Variants in GPC6 observed in about 807,000 individuals in gnomAD.
GPC6 encodes glypican 6, also known as glypican-6.
GPC6 carries 14 observed loss-of-function variants against 55.2 expected under a neutral mutation model. The ratio of observed to expected loss-of-function variants is 0.25; its 90% CI spans 0.17 to 0.40. GPC6 has a LOEUF of 0.40. Among genes scored for constraint, GPC6 ranks in the 10% least tolerant of loss-of-function variants. The pLI is 1.00. For missense variants in GPC6, 641 were observed against 708.5 expected (o/e 0.90, Z 1.08); for synonymous variants, 278 against 259.6 (o/e 1.07, Z -0.68).
At chr13:93,935,905 ATC>A in intron 3 of GPC6, among the ~76,000 whole-genome samples, 1 of 152,314 alleles carries the variant, frequency 6.6e-6, no homozygotes, top group South Asian at 2.1e-4. Flanking sequence ...ACTATGCAGA[ATC>A]TCTGTGCCCA....
intron 1 of GPC6, among the ~76,000 whole-genome samples, chr13:93,289,936 AT>A (rs2139078777): frequency 6.6e-6 from 1 of 152,310 alleles, no homozygotes; most frequent in South Asian, 2.1e-4. Context: ...TTTATGGCAC[AT>A]GGACTCACAG....
chr13:94,371,225 C>T (rs1419999041), intron 6 of GPC6, among the ~76,000 whole-genome samples: 1 of 152,108 alleles, frequency 6.6e-6, no homozygotes, highest in Non-Finnish European at 1.5e-5. Context: ...ATATCAATCT[C>T]TAGATTAAAT....
In GPC6 at chr13:93,608,363, A is replaced by G. The variant is rs895157290; in HGVS notation, c.319+62942A>G. Among the ~76,000 whole-genome samples the G allele has an allele frequency of 4.6e-5, 7 of 152,206 alleles. No homozygotes were observed. In the East Asian group the frequency reaches 1.3e-3, roughly 29 times the overall value. Reference sequence around the variant, plus strand: ...GGTTGTATTTCTTATTCTAAAGAGCATAAAATACAAAAGTAAATAATATGT... The same window carrying G: ...GGTTGTATTTCTTATTCTAAAGAGCGTAAAATACAAAAGTAAATAATATGT... On this transcript the variant is annotated intron_variant, in intron 2 of 8. Transcript: ENST00000377047.
chr13:94,085,321 C>CAAAAAAAAAAAAAAAAAA, intron 4 of GPC6, among the ~76,000 whole-genome samples: 1 of 87,044 alleles, frequency 1.1e-5, no homozygotes, highest in Non-Finnish European at 2.2e-5. Context: ...GATTCTGTCT[C>CAAAAAAAAAAAAAAAAAA]AAAAAAAAAA....
At chr13:93,839,925 T>C (rs974300524) in intron 3 of GPC6, among the ~76,000 whole-genome samples, 4 of 152,146 alleles carry the variant, frequency 2.6e-5, no homozygotes, top group Admixed American at 1.3e-4. Context: ...AGTCCGTAGT[T>C]TTCTTTTTGG....
chr13:94,078,145 A>G (rs1199350562), intron 4 of GPC6, among the ~76,000 whole-genome samples: 1 of 151,950 alleles, frequency 6.6e-6, no homozygotes, highest in Non-Finnish European at 1.5e-5. Flanking sequence ...TGGAAATTTA[A>G]TAATATATTT....
intron 1 of GPC6, among the ~76,000 whole-genome samples, chr13:93,524,483 C>T (rs1291452555): frequency 1.3e-5 from 2 of 152,022 alleles, no homozygotes; most frequent in Admixed American, 6.6e-5. Flanking sequence ...GTCCTTATGT[C>T]ATCCTCTCCC....
chr13:93,765,277 C>CTTTCCAGATAAGCTGTCTGGAAAGACAAA (rs1885085820), intron 2 of GPC6, among the ~76,000 whole-genome samples: 1 of 102,712 alleles, frequency 9.7e-6, no homozygotes, highest in South Asian at 2.5e-4. Flanking sequence ...GGAAAGACAA[C>CTTTCCAGATAAGCTGTCTGGAAAGACAAA]TTTCCAGATA....
intron 6 of GPC6, among the ~76,000 whole-genome samples, chr13:94,350,481 G>A (rs1020663783): frequency 6.6e-6 from 1 of 152,062 alleles, no homozygotes; most frequent in African/African-American, 2.4e-5. Flanking sequence ...CAGCATATAG[G>A]ACAATTTTAA....
intron 1 of GPC6, among the ~76,000 whole-genome samples, chr13:93,257,309 A>C (rs897842236): frequency 3.9e-5 from 6 of 152,094 alleles, no homozygotes; most frequent in African/African-American, 1.4e-4. Flanking sequence ...CTAAAAAAAA[A>C]ATCATTGTTA....
intron 1 of GPC6, among the ~76,000 whole-genome samples, chr13:93,243,309 C>T (rs1876497777): frequency 6.6e-6 from 1 of 152,204 alleles, no homozygotes; most frequent in South Asian, 2.1e-4. Context: ...CAACAATCTC[C>T]CCTTAACATT....
chr13:94,133,436 T>C (rs1887075853), intron 4 of GPC6, among the ~76,000 whole-genome samples: 1 of 152,018 alleles, frequency 6.6e-6, no homozygotes, highest in South Asian at 2.1e-4. Flanking sequence ...AAAAATCAAA[T>C]TAAAAAATCA....
rs537219487 is a variant in GPC6, at chr13:93,237,027, A to G, written c.160+9411A>G. Reference sequence around the variant, plus strand: ...AATTGTGAGTTGTGTTGTGATAAATATATGAGTGTAGTTGTCTTTTTGATA... The same window carrying G: ...AATTGTGAGTTGTGTTGTGATAAATGTATGAGTGTAGTTGTCTTTTTGATA... On this transcript the variant is annotated intron_variant, in intron 1 of 8. Coordinates refer to ENST00000377047, the MANE Select transcript of GPC6 (RefSeq NM_005708.5). Among the ~76,000 whole-genome samples, 5 of 152,340 alleles carry G rather than the reference A, an allele frequency of 3.3e-5. No homozygotes were observed. In the South Asian group the frequency reaches 6.2e-4, roughly 19 times the overall value.
intron 3 of GPC6, among the ~76,000 whole-genome samples, chr13:93,969,870 A>G (rs1566627673): frequency 6.6e-6 from 1 of 152,108 alleles, no homozygotes; most frequent in Admixed American, 6.6e-5. Flanking sequence ...AATGGCCTCC[A>G]GTTCCATCCA....
chr13:94,002,836 T>A (rs763832819), intron 3 of GPC6, among the ~76,000 whole-genome samples: 9 of 152,250 alleles, frequency 5.9e-5, no homozygotes, highest in Admixed American at 1.3e-4. Context: ...CTCAATTGAG[T>A]TGAAAATATC....
At chr13:94,067,967 T>TA in intron 4 of GPC6, among the ~76,000 whole-genome samples, 1 of 152,366 alleles carries the variant, frequency 6.6e-6, no homozygotes, top group East Asian at 1.9e-4. Context: ...GATGGACTCC[T>TA]CAGTGGTGGC....
chr13:94,284,907 A>G (rs1477574414), intron 4 of GPC6, among the ~76,000 whole-genome samples: 2 of 151,580 alleles, frequency 1.3e-5, no homozygotes, highest in African/African-American at 4.8e-5. Context: ...CCCTCAGCAA[A>G]TTTTTAAGTT....
At chr13:93,749,685 A>G (rs537491449) in intron 2 of GPC6, among the ~76,000 whole-genome samples, 1 of 152,228 alleles carries the variant, frequency 6.6e-6, no homozygotes, top group Non-Finnish European at 1.5e-5. Context: ...AAGCAATAAT[A>G]GTAATGAAAA....
chr13:94,083,450 C>A (rs1020377036), intron 4 of GPC6, among the ~76,000 whole-genome samples: 3 of 152,288 alleles, frequency 2.0e-5, no homozygotes, highest in Admixed American at 1.3e-4. Context: ...CTTATCTCTA[C>A]TTTGCTATAT....
Sources: gnomAD v4.1 joint callset for allele counts (sites outside exome capture counted in the v4.1 genomes callset) on GRCh38, gnomAD v4.1.1 for gene constraint, MANE v1.5 for transcripts, NCBI Gene and HGNC (gene_info 2026-07-23, HGNC 2026-07-21) for gene names.